Variants in SKAP1 observed in about 807,000 individuals in gnomAD.
The protein encoded by SKAP1 is src kinase-associated phosphoprotein 1.
Under a neutral mutation model 58.5 loss-of-function variants are expected in SKAP1, and 44 were observed. The ratio of observed to expected loss-of-function variants is 0.75; its 90% CI spans 0.59 to 0.97. The LOEUF (loss-of-function observed/expected upper bound fraction) is 0.97, where lower values mean the gene tolerates loss of function less well. Ranked by LOEUF, SKAP1 falls within the 50% of genes least tolerant of loss-of-function variation. The pLI, the probability that SKAP1 is intolerant of heterozygous loss-of-function variation, is 0.00. For synonymous variants in SKAP1, 127 were observed against 149.7 expected, an observed-to-expected ratio of 0.85 and a Z score of 1.11; for missense variants, 390 against 435.2, an observed-to-expected ratio of 0.90 and a Z score of 0.92.
intron 2 of SKAP1, among the ~76,000 whole-genome samples, chr17:48,384,287 T>C (rs985039712): frequency 2.6e-5 from 4 of 152,138 alleles, no homozygotes; most frequent in African/African-American, 7.2e-5. Flanking sequence ...GATTTTGCCT[T>C]GGGAGCCCAG....
At chr17:48,283,228 T>C in intron 4 of SKAP1, among the ~76,000 whole-genome samples, 1 of 152,160 alleles carries the variant, frequency 6.6e-6, no homozygotes, top group Admixed American at 6.5e-5. Flanking sequence ...AGAAAAGTGA[T>C]TAGAGTAGAC....
At chr17:48,178,453 A>G (rs534882206) in intron 9 of SKAP1, among the ~76,000 whole-genome samples, 14 of 152,268 alleles carry the variant, frequency 9.2e-5, no homozygotes, top group Admixed American at 8.5e-4. Context: ...TGGGGAATGC[A>G]TCTCCTTTTA....
At chr17:48,148,192 G>A (rs2063855108) in intron 11 of SKAP1, among the ~76,000 whole-genome samples, 1 of 152,170 alleles carries the variant, frequency 6.6e-6, no homozygotes, top group Non-Finnish European at 1.5e-5. Flanking sequence ...TGCATGTTGT[G>A]GGTGAAATGT....
intron 3 of SKAP1, among the ~76,000 whole-genome samples, chr17:48,348,373 G>T (rs1445964594): frequency 6.9e-6 from 1 of 145,888 alleles, no homozygotes; most frequent in Non-Finnish European, 1.5e-5. Context: ...AAGAAAAGAA[G>T]AAAGAAAAAA....
At chr17:48,252,713 A>ATGT (rs2065377824) in intron 4 of SKAP1, among the ~76,000 whole-genome samples, 1 of 145,026 alleles carries the variant, frequency 6.9e-6, no homozygotes, top group African/African-American at 2.6e-5. Flanking sequence ...GCTCTAAGCT[A>ATGT]GTGTGTGTGT....
chr17:48,419,720 A>T (rs528072114), intron 1 of SKAP1, among the ~76,000 whole-genome samples: 1 of 152,230 alleles, frequency 6.6e-6, no homozygotes, highest in South Asian at 2.1e-4. Context: ...AATTAATTCC[A>T]GCTACTACAA....
chr17:48,176,313 G>A (rs929025458), intron 9 of SKAP1, among the ~76,000 whole-genome samples: 1 of 152,186 alleles, frequency 6.6e-6, no homozygotes, highest in Non-Finnish European at 1.5e-5. Context: ...CCCAGTTACA[G>A]CACTTCAATG....
At chr17:48,190,606 T>C (rs1326058363) in intron 4 of SKAP1, among the ~76,000 whole-genome samples, 2 of 152,230 alleles carry the variant, frequency 1.3e-5, no homozygotes, top group Non-Finnish European at 2.9e-5. Flanking sequence ...TAGCCATCTC[T>C]GTGAACATAA....
At chr17:48,295,827 G>A (rs1332672048) in intron 4 of SKAP1, among the ~76,000 whole-genome samples, 2 of 151,698 alleles carry the variant, frequency 1.3e-5, no homozygotes, top group Non-Finnish European at 2.9e-5. Context: ...CACCGAGAGT[G>A]ATATACCAAT....
chr17:48,300,776 G>C (rs2066046567), intron 4 of SKAP1, among the ~76,000 whole-genome samples: 1 of 152,098 alleles, frequency 6.6e-6, no homozygotes, highest in Admixed American at 6.5e-5. Flanking sequence ...TTTAATGGCT[G>C]CCTTAAACTT....
intron 4 of SKAP1, among the ~76,000 whole-genome samples, chr17:48,236,083 A>G (rs72825592): frequency 0.029 from 4,381 of 152,350 alleles, 88 homozygotes; most frequent in East Asian, 0.055. Flanking sequence ...TGATTGTAAC[A>G]TTTCAAAGTC....
At chr17:48,262,941 T>G (rs1157399240) in intron 4 of SKAP1, among the ~76,000 whole-genome samples, 1 of 152,208 alleles carries the variant, frequency 6.6e-6, no homozygotes, top group Non-Finnish European at 1.5e-5. Flanking sequence ...AAAAAGAAGC[T>G]AAAAGATAAT....
At chr17:48,162,417 C>T (rs2064081882) in intron 11 of SKAP1, 52 bp downstream of exon 11, 1 of 1,286,146 alleles carries the variant, frequency 7.8e-7, no homozygotes, top group East Asian at 2.4e-5. Flanking sequence ...GTGACTAAAT[C>T]AAGAATGAAA....
chr17:48,260,991 C>T (rs997334774), intron 4 of SKAP1, among the ~76,000 whole-genome samples: 4 of 152,088 alleles, frequency 2.6e-5, no homozygotes, highest in Non-Finnish European at 4.4e-5. Flanking sequence ...AAATGCTGTT[C>T]GGAATCCCTG....
intron 9 of SKAP1, among the ~76,000 whole-genome samples, chr17:48,178,810 A>G (rs181735679): frequency 6.6e-6 from 1 of 152,340 alleles, no homozygotes; most frequent in East Asian, 1.9e-4. Flanking sequence ...GACCTCAACC[A>G]AGATATCATT....
chr17:48,297,361 A>T (rs2065991537), intron 4 of SKAP1, among the ~76,000 whole-genome samples: 1 of 152,178 alleles, frequency 6.6e-6, no homozygotes, highest in African/African-American at 2.4e-5. Flanking sequence ...ACTAACATTG[A>T]GATTTATTTA....
chr17:48,216,141 G>A (rs1340771584), intron 4 of SKAP1, among the ~76,000 whole-genome samples: 3 of 152,206 alleles, frequency 2.0e-5, no homozygotes, highest in Non-Finnish European at 4.4e-5. Context: ...GCAGAGGGAA[G>A]CTTAGCAACA....
intron 4 of SKAP1, among the ~76,000 whole-genome samples, chr17:48,284,305 T>A (rs2065803398): frequency 1.3e-5 from 2 of 152,254 alleles, no homozygotes. Flanking sequence ...TAAGACATTC[T>A]ATATCAAATA....
chr17:48,421,996 A>C (rs1481144623), intron 1 of SKAP1, among the ~76,000 whole-genome samples: 1 of 152,144 alleles, frequency 6.6e-6, no homozygotes, highest in Non-Finnish European at 1.5e-5. Context: ...GCAGATCACG[A>C]GGCCAAGAGA....
Sources: allele counts gnomAD v4.1 joint callset (sites outside exome capture counted in the v4.1 genomes callset), GRCh38; gene constraint gnomAD v4.1.1; transcripts MANE v1.5; gene names NCBI Gene and HGNC (gene_info 2026-07-23, HGNC 2026-07-21).